The following ATP10D variants were observed in gnomAD, a reference collection of about 807,000 sequenced individuals.
The protein encoded by ATP10D is phospholipid-transporting ATPase VD.
In ATP10D, 89 loss-of-function variants were observed where a neutral mutation model predicts 144.8. That is an observed-to-expected ratio of 0.61 (90% CI 0.52 to 0.73). ATP10D has a LOEUF of 0.73. ATP10D is among the 30% of genes least tolerant of loss of function. The pLI is 0.00. For synonymous variants in ATP10D, 571 were observed against 615.1 expected, an observed-to-expected ratio of 0.93 and a Z score of 1.06; for missense variants, 1,603 against 1,714.8, an observed-to-expected ratio of 0.93 and a Z score of 1.15.
Position 47,537,563 on chromosome 4 carries a change from A to G in ATP10D, c.1396+625A>G, listed in dbSNP as rs201672853. On this transcript the variant is annotated intron_variant, in intron 9 of 22. Transcript: ENST00000273859. ...AACCACCATTAACAATTTGGTGAAT[A>G]TGTAACCAGCTATTTCTTTATGCAT... 1.9e-4 allele frequency among the ~76,000 whole-genome samples: 29 copies of G among 152,316 alleles called. No homozygotes were observed. In the East Asian group the frequency reaches 4.4e-3, roughly 23 times the overall value.
chr4:47,573,127 G>T (rs905694878), intron 18 of ATP10D, 130 bp downstream of exon 18: 6 of 1,125,278 alleles, frequency 5.3e-6, no homozygotes, highest in Non-Finnish European at 7.5e-6. Context: ...GCCAGGACTG[G>T]TCTTGCTGTC....
chr4:47,530,721 G>C (rs2109418811), intron 5 of ATP10D, among the ~76,000 whole-genome samples: 1 of 152,286 alleles, frequency 6.6e-6, no homozygotes, highest in African/African-American at 2.4e-5. Context: ...CTCCCAAAGT[G>C]CTGGTATTAC....
chr4:47,544,052 G>T (rs1718294139), intron 9 of ATP10D, among the ~76,000 whole-genome samples: 1 of 152,080 alleles, frequency 6.6e-6, no homozygotes, highest in Admixed American at 6.5e-5. Context: ...GTTAAAAATT[G>T]GCCCTGTTAA....
In ATP10D at chr4:47,558,936, G is replaced by A. The variant is rs1053190322; in HGVS notation, c.2448G>A (p.Leu816=). The A allele has an allele frequency of 3.7e-6, 6 of 1,613,388 alleles. No homozygotes were observed. The East Asian group carries it at 1.1e-4, about 30-fold the overall frequency. Reference sequence around the variant, plus strand: ...CCATTATTTCAGATGGAGCAAGTCTGGAGAAACAACAGATGATAGTAAGGG... The same window carrying A: ...CCATTATTTCAGATGGAGCAAGTCTAGAGAAACAACAGATGATAGTAAGGG... ...LSVASPDGAS[L]EKQQMIVREK... Residue 816 remains leucine (L), a synonymous_variant, in exon 13 of 23, where the codon CTG becomes CTA. Coordinates refer to ENST00000273859, the MANE Select transcript of ATP10D (RefSeq NM_020453.4).
At chr4:47,529,111 G>A (rs1053156586) in intron 5 of ATP10D, among the ~76,000 whole-genome samples, 1 of 152,020 alleles carries the variant, frequency 6.6e-6, no homozygotes, top group Non-Finnish European at 1.5e-5. Context: ...TCTCTTGATT[G>A]TTTCTTTTGC....
At chr4:47,500,762 G>A (rs1420533719) in intron 1 of ATP10D, among the ~76,000 whole-genome samples, 5 of 152,162 alleles carry the variant, frequency 3.3e-5, no homozygotes, top group African/African-American at 1.2e-4. Context: ...ACTTGTGGAA[G>A]TTCTCTTTGG....
chr4:47,504,107 T>G (rs1025148939), intron 1 of ATP10D, among the ~76,000 whole-genome samples: 1 of 152,136 alleles, frequency 6.6e-6, no homozygotes, highest in East Asian at 1.9e-4. Context: ...TCAGCAAATC[T>G]GATTCATTCC....
At chr4:47,489,128 CAAT>C (rs1420514228) in intron 1 of ATP10D, among the ~76,000 whole-genome samples, 1 of 152,046 alleles carries the variant, frequency 6.6e-6, no homozygotes, top group Non-Finnish European at 1.5e-5. Flanking sequence ...TATAAATGAG[CAAT>C]TCGCAAAAGA....
At chr4:47,528,509 G>A (rs71609493) in intron 5 of ATP10D, among the ~76,000 whole-genome samples, 18,554 of 52,922 alleles carry the variant, frequency 0.35, 1,535 homozygotes, top group Non-Finnish European at 0.4. Context: ...GTGTGTGTGT[G>A]TGTGTATATA....
chr4:47,583,401 A>G lies in ATP10D; in HGVS notation c.3753+1337A>G, dbSNP rs577240867. ...TAGCTGAATAAGGTTATAGTTTAAA[A>G]TATATGAAGTTATATTACAAAATTA... On this transcript the variant is annotated intron_variant, in intron 21 of 22. Coordinates refer to ENST00000273859, the MANE Select transcript of ATP10D (RefSeq NM_020453.4). The G allele has an allele frequency of 4.6e-5, 7 of 152,374 alleles. No homozygotes were observed. In the South Asian group the frequency reaches 1.4e-3, roughly 32 times the overall value. The allele number at this position is 152,374 out of a possible 1,614,324, so 9.4% of individuals were successfully genotyped here.
At chr4:47,568,815 C>T (rs761717431) in intron 15 of ATP10D, 22 bp from the exon 16 acceptor site, 1 of 1,594,914 alleles carries the variant, frequency 6.3e-7, no homozygotes, top group South Asian at 1.1e-5. Flanking sequence ...GGAGGCTAAC[C>T]ACCTTTGCCT....
At chr4:47,567,145 G>A (rs909061641) in intron 15 of ATP10D, among the ~76,000 whole-genome samples, 1 of 152,190 alleles carries the variant, frequency 6.6e-6, no homozygotes, top group Non-Finnish European at 1.5e-5. Flanking sequence ...GTCACTCTAT[G>A]CATGTGACAC....
intron 1 of ATP10D, among the ~76,000 whole-genome samples, chr4:47,501,649 A>T (rs1715686204): frequency 6.6e-6 from 1 of 152,166 alleles, no homozygotes. Flanking sequence ...AGATATCTGG[A>T]TTAAGCTTAA....
intron 16 of ATP10D, among the ~76,000 whole-genome samples, chr4:47,570,802 CA>C (rs35697866): frequency 0.36 from 46,553 of 129,136 alleles, 7,452 homozygotes; most frequent in African/African-American, 0.39. Flanking sequence ...GATTCTGTCT[CA>C]AAAAAAAAAA....
intron 5 of ATP10D, among the ~76,000 whole-genome samples, chr4:47,528,251 C>T (rs955143640): frequency 6.6e-6 from 1 of 151,956 alleles, no homozygotes; most frequent in African/African-American, 2.4e-5. Context: ...CCCTCCCACC[C>T]TCCTTTCTTT....
chr4:47,577,583 T>G (rs1201211976), intron 19 of ATP10D, among the ~76,000 whole-genome samples: 1 of 152,208 alleles, frequency 6.6e-6, no homozygotes, highest in Non-Finnish European at 1.5e-5. Context: ...TGTTGTCATT[T>G]TTACCCTCCA....
chr4:47,556,907 T>G (rs1285326287), intron 11 of ATP10D: 1 of 152,142 alleles, frequency 6.6e-6, no homozygotes, highest in African/African-American at 2.4e-5. Context: ...AAATAGAAAT[T>G]CAAATCCACA....
intron 19 of ATP10D, among the ~76,000 whole-genome samples, chr4:47,579,380 C>G (rs1171103987): frequency 1.3e-5 from 2 of 152,178 alleles, no homozygotes; most frequent in Non-Finnish European, 2.9e-5. Context: ...AGCTTGCATT[C>G]CACTGAGAGA....
chr4:47,558,008 T>C lies in ATP10D; in HGVS notation c.2169T>C (p.Tyr723=). The change falls in exon 12 of 23, where the codon TAT becomes TAC. Residue 723 remains tyrosine, a synonymous_variant. Transcript: ENST00000273859. ...AGCCATTGGCCTGCAACCTGTGTTATGAGGCCGAGAGCCCAGACGAAGCGG... is the reference window on the plus strand; with the variant it reads ...AGCCATTGGCCTGCAACCTGTGTTACGAGGCCGAGAGCCCAGACGAAGCGG... ...PGQPLACNLC[Y]EAESPDEAAL... 1.2e-6 allele frequency: 2 copies of C among 1,614,142 alleles called. No individual in the cohort carries two copies. The highest frequency in any genetic ancestry group is 1.1e-5 in the South Asian group (1 of 91,082).
Sources: allele counts gnomAD v4.1 joint callset (sites outside exome capture counted in the v4.1 genomes callset), GRCh38; gene constraint gnomAD v4.1.1; transcripts MANE v1.5; gene names NCBI Gene and HGNC (gene_info 2026-07-23, HGNC 2026-07-21).